Variants in FOXO1 observed in about 807,000 individuals in gnomAD.
FOXO1 encodes forkhead box protein O1.
FOXO1 carries 6 observed loss-of-function variants against 44.1 expected under a neutral mutation model. That is an observed-to-expected ratio of 0.14 (90% CI 0.07 to 0.27). FOXO1 has a LOEUF of 0.27. Among genes scored for constraint, FOXO1 ranks in the 10% least tolerant of loss-of-function variants. The pLI is 1.00. For synonymous variants in FOXO1, 380 were observed against 362.7 expected (o/e 1.05, Z -0.54); for missense variants, 737 against 888.8 (o/e 0.83, Z 2.17).
chr13:40,621,846 T>C (rs562742874), intron 1 of FOXO1, among the ~76,000 whole-genome samples: 3 of 152,332 alleles, frequency 2.0e-5, no homozygotes, highest in South Asian at 2.1e-4. Flanking sequence ...AAATTTAATA[T>C]ACAGCATATC....
intron 1 of FOXO1, among the ~76,000 whole-genome samples, chr13:40,630,651 C>CAA (rs377332291): frequency 7.5e-6 from 1 of 133,110 alleles, no homozygotes; most frequent in Non-Finnish European, 1.6e-5. Flanking sequence ...CAAAACTTCT[C>CAA]AAAAAAAAAA....
intron 1 of FOXO1, among the ~76,000 whole-genome samples, chr13:40,602,575 G>T (rs929282949): frequency 3.3e-5 from 5 of 152,300 alleles, no homozygotes; most frequent in Admixed American, 6.5e-5. Flanking sequence ...CAAACATGAA[G>T]GGGGAGAGAT....
chr13:40,607,606 G>A (rs1025699549), intron 1 of FOXO1, among the ~76,000 whole-genome samples: 3 of 152,130 alleles, frequency 2.0e-5, no homozygotes, highest in Non-Finnish European at 2.9e-5. Context: ...CACAGCATTC[G>A]ACAGTCATTA....
At position 40,558,193 on chromosome 13, in the gene FOXO1, A is replaced by C. The variant is rs1377377198; in HGVS notation, c.*856T>G. The C allele has an allele frequency of 1.3e-5, 2 of 152,690 alleles. No homozygotes were observed. The highest frequency in any genetic ancestry group is 3.8e-4 in the East Asian group (2 of 5,204). The allele number at this position is 152,690 out of a possible 1,614,324, so 9.5% of individuals were successfully genotyped here. Reference sequence around the variant, plus strand: ...TGCCCCAAATACCTGTGGTTCCACAAAATTTACAAGCTGACTATGTAACAA... The same window carrying C: ...TGCCCCAAATACCTGTGGTTCCACACAATTTACAAGCTGACTATGTAACAA... On this transcript the variant is annotated 3_prime_UTR_variant, in exon 3 of 3. Transcript: ENST00000379561.
intron 1 of FOXO1, among the ~76,000 whole-genome samples, chr13:40,638,919 C>G (rs1180695206): frequency 6.6e-6 from 1 of 152,194 alleles, no homozygotes; most frequent in African/African-American, 2.4e-5. Flanking sequence ...TAAGGCCAGG[C>G]ACGGTGGCTC....
chr13:40,635,220 T>C (rs1415306257), intron 1 of FOXO1, among the ~76,000 whole-genome samples: 1 of 152,094 alleles, frequency 6.6e-6, no homozygotes, highest in Non-Finnish European at 1.5e-5. Flanking sequence ...TTTTGAAAAA[T>C]ACTGGTTCCC....
chr13:40,610,112 G>A (rs965690703), intron 1 of FOXO1, among the ~76,000 whole-genome samples: 8 of 151,918 alleles, frequency 5.3e-5, no homozygotes, highest in Admixed American at 3.3e-4. Flanking sequence ...TGTACCCTGC[G>A]ACACTGAGGA....
At chr13:40,612,510 C>G (rs1876270724) in intron 1 of FOXO1, among the ~76,000 whole-genome samples, 1 of 152,192 alleles carries the variant, frequency 6.6e-6, no homozygotes, top group South Asian at 2.1e-4. Flanking sequence ...CGTGCGTTCG[C>G]AAGCATGCCT....
At chr13:40,591,660 A>G (rs1320704032) in intron 1 of FOXO1, among the ~76,000 whole-genome samples, 1 of 152,210 alleles carries the variant, frequency 6.6e-6, no homozygotes, top group East Asian at 1.9e-4. Flanking sequence ...TTATAATTTT[A>G]CTAGTCTTGT....
chr13:40,613,520 G>A (rs1308564089), intron 1 of FOXO1, among the ~76,000 whole-genome samples: 2 of 152,076 alleles, frequency 1.3e-5, no homozygotes, highest in African/African-American at 4.8e-5. Context: ...ACCAAGAGCA[G>A]CTCCGGTCCC....
intron 1 of FOXO1, among the ~76,000 whole-genome samples, chr13:40,649,002 C>T (rs899833607): frequency 6.6e-6 from 1 of 152,084 alleles, no homozygotes; most frequent in African/African-American, 2.4e-5. Context: ...TTGTTTCAGG[C>T]CAGAGTAACA....
At chr13:40,644,611 G>A (rs1877456082) in intron 1 of FOXO1, among the ~76,000 whole-genome samples, 1 of 152,132 alleles carries the variant, frequency 6.6e-6, no homozygotes, top group Non-Finnish European at 1.5e-5. Context: ...TTTTTCAGGA[G>A]CTTAGAGGCC....
chr13:40,621,205 A>G (rs892348092), intron 1 of FOXO1: 2 of 651,336 alleles, frequency 3.1e-6, no homozygotes, highest in African/African-American at 3.8e-5. Context: ...TGTATCAGTG[A>G]CCACATAACT....
At chr13:40,577,318 T>C (rs898306123) in intron 1 of FOXO1, among the ~76,000 whole-genome samples, 8 of 152,204 alleles carry the variant, frequency 5.3e-5, no homozygotes, top group Non-Finnish European at 1.2e-4. Flanking sequence ...AACCTTACCC[T>C]CAACAGATCC....
At chr13:40,634,128 T>C (rs932291640) in intron 1 of FOXO1, among the ~76,000 whole-genome samples, 5 of 152,182 alleles carry the variant, frequency 3.3e-5, no homozygotes, top group African/African-American at 7.2e-5. Flanking sequence ...ACATGACAGG[T>C]ATATGACAGG....
chr13:40,627,984 GT>G (rs955141774), intron 1 of FOXO1, among the ~76,000 whole-genome samples: 4 of 152,130 alleles, frequency 2.6e-5, no homozygotes, highest in African/African-American at 9.7e-5. Flanking sequence ...CCTTGACTGG[GT>G]TGGCAGGGGA....
intron 1 of FOXO1, among the ~76,000 whole-genome samples, chr13:40,627,997 C>T (rs1876841212): frequency 6.6e-6 from 1 of 152,058 alleles, no homozygotes. Flanking sequence ...GGCAGGGGAA[C>T]CGTGTGTGTG....
chr13:40,639,930 G>A (rs978936040), intron 1 of FOXO1, among the ~76,000 whole-genome samples: 1 of 152,182 alleles, frequency 6.6e-6, no homozygotes, highest in Non-Finnish European at 1.5e-5. Context: ...CAATCCTCAC[G>A]ACAATCTTAG....
At chr13:40,608,475 C>T (rs142139799) in intron 1 of FOXO1, among the ~76,000 whole-genome samples, 24 of 152,306 alleles carry the variant, frequency 1.6e-4, no homozygotes, top group African/African-American at 5.5e-4. Context: ...TAAATACATA[C>T]AGTTGCATGC....
Sources: allele counts gnomAD v4.1 joint callset (sites outside exome capture counted in the v4.1 genomes callset), GRCh38; gene constraint gnomAD v4.1.1; transcripts MANE v1.5; gene names NCBI Gene and HGNC (gene_info 2026-07-23, HGNC 2026-07-21).